VWA8: variants seen among roughly 807,000 people sequenced by gnomAD.
VWA8 encodes von Willebrand factor A domain-containing protein 8.
A neutral mutation model predicts 241.5 loss-of-function variants in VWA8; 221 were observed. That is an observed-to-expected ratio of 0.91 (90% CI 0.82 to 1.02). The LOEUF is 1.02. VWA8 is among the 50% of genes least tolerant of loss of function. VWA8 has a pLI of 0.00. For synonymous variants in VWA8, 852 were observed against 827.1 expected, an observed-to-expected ratio of 1.03 and a Z score of -0.52; for missense variants, 2,322 against 2,328.7, an observed-to-expected ratio of 1.00 and a Z score of 0.06.
chr13:41,787,473 C>G lies in VWA8; in HGVS notation c.2134G>C (p.Asp712His). The change falls in exon 18 of 45, where the codon GAT (aspartate) becomes CAT (histidine). Residue 712 changes from aspartate to histidine, a missense_variant. By Grantham distance (81) the Asp-to-His change is moderately conservative. Transcript: ENST00000379310. ...TTCAGTTCTGGCTCCAAATTGTCATCAGTATTTATTTCTATTGTAGCATCT... is the reference window on the plus strand; with the variant it reads ...TTCAGTTCTGGCTCCAAATTGTCATGAGTATTTATTTCTATTGTAGCATCT... ...LADATIEINT[D>H]DNLEPELKDY... 1.2e-6 allele frequency: 2 copies of G among 1,611,018 alleles called. No homozygotes were observed. Among genetic ancestry groups the G allele is most frequent in the Admixed American group, 3.3e-5 (2 of 59,858 alleles).
At chr13:41,588,987 A>G (rs1221748505) in intron 41 of VWA8, among the ~76,000 whole-genome samples, 1 of 152,202 alleles carries the variant, frequency 6.6e-6, no homozygotes, top group Non-Finnish European at 1.5e-5. Context: ...ACAATGATTC[A>G]GTAAAGAAAG....
intron 2 of VWA8, among the ~76,000 whole-genome samples, chr13:41,933,124 AGCGAGTTTT>A (rs1197568443): frequency 1.3e-5 from 2 of 152,122 alleles, no homozygotes; most frequent in East Asian, 3.9e-4. Context: ...AGAACTAATA[AGCGAGTTTT>A]GCACGGCCTC....
chr13:41,911,525 T>C (rs1318214940), intron 3 of VWA8, among the ~76,000 whole-genome samples: 2 of 152,312 alleles, frequency 1.3e-5, no homozygotes, highest in East Asian at 3.9e-4. Context: ...AAAGCTTGAG[T>C]GAGTTATTTA....
chr13:41,883,512 A>G, intron 8 of VWA8, 21 bp from the exon 9 acceptor site: 1 of 1,562,240 alleles, frequency 6.4e-7, no homozygotes, highest in South Asian at 1.1e-5. Context: ...GCAAAAATAC[A>G]TAGGAATGAG....
At chr13:41,626,983 A>G (rs2044696030) in intron 37 of VWA8, among the ~76,000 whole-genome samples, 1 of 152,168 alleles carries the variant, frequency 6.6e-6, no homozygotes, top group South Asian at 2.1e-4. Context: ...TAAAGAGACA[A>G]CCTATGGAGT....
intron 37 of VWA8, among the ~76,000 whole-genome samples, chr13:41,634,683 A>G (rs1211341639): frequency 2.0e-5 from 3 of 151,590 alleles, no homozygotes; most frequent in South Asian, 2.1e-4. Flanking sequence ...AGCTTTCTGC[A>G]CATTCGTTTC....
rs11422492 is a variant in VWA8 at position 41,891,201 on chromosome 13, CAA to C, written c.651+217_651+218del. On this transcript the variant is annotated intron_variant, in intron 5 of 44. Coordinates refer to ENST00000379310, the MANE Select transcript of VWA8 (RefSeq NM_015058.2). ...AAAAGAGAATAGTTATTAGACTGACCAAAAAAAAAAAAGACAGTAAAAATCTG... is the reference window on the plus strand; with the variant it reads ...AAAAGAGAATAGTTATTAGACTGACCAAAAAAAAAAGACAGTAAAAATCTG... Among the ~76,000 whole-genome samples, 9 of 136,486 alleles carry C rather than the reference CAA, an allele frequency of 6.6e-5. No homozygotes were observed. The East Asian group carries it at 1.3e-3, about 19-fold the overall frequency. 89.5% of individuals were successfully genotyped at this position (136,486 alleles called of 152,430 possible).
At chr13:41,920,024 G>A (rs9532949) in intron 2 of VWA8, among the ~76,000 whole-genome samples, 49,350 of 151,930 alleles carry the variant, frequency 0.32, 8,129 homozygotes, top group East Asian at 0.43. Flanking sequence ...CCCACCTCCC[G>A]AGGCAGTAGA....
intron 38 of VWA8, among the ~76,000 whole-genome samples, chr13:41,612,661 G>C (rs1054361075): frequency 2.6e-5 from 4 of 152,188 alleles, no homozygotes; most frequent in Non-Finnish European, 5.9e-5. Flanking sequence ...CCCCTATTTA[G>C]GGGTAGATTA....
At chr13:41,724,987 T>G (rs1265120232) in intron 24 of VWA8, among the ~76,000 whole-genome samples, 1 of 151,996 alleles carries the variant, frequency 6.6e-6, no homozygotes, top group Non-Finnish European at 1.5e-5. Flanking sequence ...TGAAATGAGA[T>G]TGGTCAGTTT....
intron 24 of VWA8, among the ~76,000 whole-genome samples, chr13:41,726,706 CT>C (rs1381505005): frequency 1.3e-5 from 2 of 152,084 alleles, no homozygotes; most frequent in South Asian, 2.1e-4. Flanking sequence ...AAAAAATAAT[CT>C]CTCTGGGCCG....
rs548894912 is a variant in VWA8, at chr13:41,940,362, G to A, written c.241+9574C>T. ...AGCATAAATACAGGAAGAAAAGTAA[G>A]AGGGTATCAAACTTCAACAAAACAC... On this transcript the variant is annotated intron_variant, in intron 2 of 44. Transcript: ENST00000379310. Among the ~76,000 whole-genome samples the A allele has an allele frequency of 4.0e-4, 61 of 152,076 alleles. 1 individual carries two copies. The South Asian group carries it at 0.012, about 31-fold the overall frequency.
At chr13:41,666,763 A>C (rs2044989171) in intron 37 of VWA8, among the ~76,000 whole-genome samples, 4 of 152,168 alleles carry the variant, frequency 2.6e-5, no homozygotes, top group South Asian at 2.1e-4. Flanking sequence ...AGGAATAAAC[A>C]ATAAAAAAAT....
In VWA8 at chr13:41,866,052, G is replaced by A. The variant is rs1873283473; in HGVS notation, c.1213-16C>T. The A allele has an allele frequency of 1.2e-6, 2 of 1,612,496 alleles. No homozygotes were observed. The highest frequency in any genetic ancestry group is 1.7e-4 in the Middle Eastern group (1 of 6,056). The stretch of plus-strand genomic sequence containing the variant: ...CGGCTGGCACCTATAATTAAAGAGA[G>A]GTCAATATAACATGGCCAGATGTGG... On this transcript the variant is annotated splice_polypyrimidine_tract_variant and intron_variant, in intron 10 of 44. Coordinates refer to ENST00000379310, the MANE Select transcript of VWA8 (RefSeq NM_015058.2).
intron 12 of VWA8, among the ~76,000 whole-genome samples, chr13:41,847,621 C>T (rs1330029493): frequency 6.6e-6 from 1 of 152,164 alleles, no homozygotes; most frequent in Non-Finnish European, 1.5e-5. Context: ...ATACTGGTCC[C>T]ACCTCCCACC....
chr13:41,805,683 G>A (rs752692477), intron 17 of VWA8, among the ~76,000 whole-genome samples: 3 of 151,950 alleles, frequency 2.0e-5, no homozygotes, highest in Admixed American at 6.6e-5. Flanking sequence ...TCATGGTGGT[G>A]CACGCCTGTA....
At chr13:41,748,208 G>A (rs1218841929) in intron 21 of VWA8, among the ~76,000 whole-genome samples, 1 of 152,148 alleles carries the variant, frequency 6.6e-6, no homozygotes, top group Non-Finnish European at 1.5e-5. Context: ...GTAGAATTTG[G>A]CTGTGAATCC....
rs1202684552 is a variant in VWA8 at position 41,819,255 on chromosome 13, A to C, written c.1832T>G (p.Leu611Arg). The C allele has an allele frequency of 5.0e-6, 8 of 1,610,366 alleles. No individual in the cohort carries two copies. The highest frequency in any genetic ancestry group is 6.8e-6 in the Non-Finnish European group (8 of 1,179,300). Residue 611 changes from leucine to arginine, a missense_variant, in exon 15 of 45, where the codon CTT becomes CGT. Coordinates refer to ENST00000379310, the MANE Select transcript of VWA8 (RefSeq NM_015058.2). ...TMFFFHYMKP[L>R]VKSEEIQVIK... ...CACTTGGATTTCTTCACTTTTCACAAGTGGTTTCATGTAATGGAAAAAGAA... is the reference window on the plus strand; with the variant it reads ...CACTTGGATTTCTTCACTTTTCACACGTGGTTTCATGTAATGGAAAAAGAA...
intron 9 of VWA8, among the ~76,000 whole-genome samples, chr13:41,873,106 C>T (rs550546367): frequency 3.6e-4 from 55 of 152,036 alleles, no homozygotes; most frequent in African/African-American, 1.3e-3. Flanking sequence ...GAAATGAAGG[C>T]AGAAATAAAG....
Sources: allele counts gnomAD v4.1 joint callset (sites outside exome capture counted in the v4.1 genomes callset), GRCh38; gene constraint gnomAD v4.1.1; transcripts MANE v1.5; gene names NCBI Gene and HGNC (gene_info 2026-07-23, HGNC 2026-07-21).